CNTNAP2: variants seen among roughly 807,000 people sequenced by gnomAD.
The protein encoded by CNTNAP2 is contactin associated protein 2, also known as contactin-associated protein-like 2.
A neutral mutation model predicts 155.2 loss-of-function variants in CNTNAP2; 98 were observed. The observed-to-expected ratio is 0.63, with a 90% CI of 0.54 to 0.75. The LOEUF is 0.75. CNTNAP2 is among the 30% of genes least tolerant of loss of function. The probability of loss-of-function intolerance (pLI) is 0.00; values close to 1 mark genes in which losing one functional copy is unlikely to be tolerated. For synonymous variants in CNTNAP2, 651 were observed against 631.2 expected (o/e 1.03, Z -0.47); for missense variants, 1,727 against 1,688.1 (o/e 1.02, Z -0.40).
chr7:147,042,214 A>C (rs751438296), intron 3 of CNTNAP2, among the ~76,000 whole-genome samples: 1 of 152,228 alleles, frequency 6.6e-6, no homozygotes, highest in Non-Finnish European at 1.5e-5. Flanking sequence ...TACGCAGCTC[A>C]TTTGAGAAAA....
intron 18 of CNTNAP2, among the ~76,000 whole-genome samples, chr7:148,216,969 C>G (rs886524940): frequency 2.0e-5 from 3 of 152,190 alleles, no homozygotes; most frequent in Non-Finnish European, 2.9e-5. Context: ...CCTTTGCCTT[C>G]CACCATTATT....
chr7:148,264,182 A>C (rs910700479), intron 20 of CNTNAP2, among the ~76,000 whole-genome samples: 1 of 152,242 alleles, frequency 6.6e-6, no homozygotes, highest in African/African-American at 2.4e-5. Flanking sequence ...AATACTAGTC[A>C]TCCATGACAA....
chr7:147,818,284 T>C (rs1186515649), intron 13 of CNTNAP2, among the ~76,000 whole-genome samples: 2 of 152,176 alleles, frequency 1.3e-5, no homozygotes, highest in Non-Finnish European at 2.9e-5. Context: ...TCCTTTCTCT[T>C]TGAAATTCCT....
chr7:147,321,949 T>A (rs576925792), intron 9 of CNTNAP2, among the ~76,000 whole-genome samples: 1 of 152,216 alleles, frequency 6.6e-6, no homozygotes, highest in East Asian at 1.9e-4. Context: ...AAGATGAAGA[T>A]TTCTTCCTTT....
intron 14 of CNTNAP2, among the ~76,000 whole-genome samples, chr7:147,925,502 T>TG (rs1800381352): frequency 6.6e-6 from 1 of 152,142 alleles, no homozygotes; most frequent in Non-Finnish European, 1.5e-5. Flanking sequence ...AGTCTCGCTC[T>TG]GTCGCCCAGG....
At chr7:146,504,698 G>A (rs554145982) in intron 1 of CNTNAP2, among the ~76,000 whole-genome samples, 33 of 152,196 alleles carry the variant, frequency 2.2e-4, no homozygotes, top group Non-Finnish European at 4.1e-4. Context: ...AACCAGGAAC[G>A]TAGCACCTTC....
At chr7:147,583,436 T>C (rs946103470) in intron 12 of CNTNAP2, among the ~76,000 whole-genome samples, 1 of 150,064 alleles carries the variant, frequency 6.7e-6, no homozygotes, top group African/African-American at 2.4e-5. Context: ...CTATTTTTTT[T>C]CCAAACTTTT....
chr7:146,323,509 A>G (rs1025794397), intron 1 of CNTNAP2, among the ~76,000 whole-genome samples: 1 of 152,172 alleles, frequency 6.6e-6, no homozygotes, highest in Non-Finnish European at 1.5e-5. Context: ...AAATCAAAAC[A>G]AACAAAACTG....
rs774919322 is a variant in CNTNAP2, at chr7:147,464,856, C to CTCCT, written c.1671-21079_1671-21078insTCCT. Among the ~76,000 whole-genome samples, 4 of 152,142 alleles carry CTCCT rather than the reference C, an allele frequency of 2.6e-5. 1 individual carries two copies. The highest frequency in any genetic ancestry group is 4.8e-5 in the African/African-American group (2 of 41,414). On this transcript the variant is annotated intron_variant, in intron 10 of 23. Coordinates refer to ENST00000361727, the MANE Select transcript of CNTNAP2 (RefSeq NM_014141.6). ...ACCATATTCATAGGAGTGAATATAA[C>CTCCT]ATTAGATGTCTAAGACTGTGTAAAC...
chr7:146,240,138 T>A (rs1799536534), intron 1 of CNTNAP2, among the ~76,000 whole-genome samples: 1 of 152,168 alleles, frequency 6.6e-6, no homozygotes, highest in African/African-American at 2.4e-5. Flanking sequence ...AACTATTGGG[T>A]TTCACATTTT....
At chr7:146,830,892 A>G (rs988823690) in intron 2 of CNTNAP2, among the ~76,000 whole-genome samples, 4 of 152,244 alleles carry the variant, frequency 2.6e-5, no homozygotes, top group Admixed American at 2.6e-4. Flanking sequence ...AGCGCTCTTC[A>G]AGCTGACATC....
At chr7:147,799,443 A>G (rs1373907897) in intron 13 of CNTNAP2, among the ~76,000 whole-genome samples, 3 of 152,164 alleles carry the variant, frequency 2.0e-5, no homozygotes, top group South Asian at 4.1e-4. Context: ...GGTCCCAGCT[A>G]TGGAACTCCA....
intron 1 of CNTNAP2, among the ~76,000 whole-genome samples, chr7:146,359,799 T>C (rs1244469658): frequency 6.6e-6 from 1 of 152,102 alleles, no homozygotes; most frequent in South Asian, 2.1e-4. Flanking sequence ...TGTATGTGTG[T>C]GTGTGCGTGC....
chr7:147,743,862 G>A (rs1489702892), intron 13 of CNTNAP2, among the ~76,000 whole-genome samples: 1 of 152,058 alleles, frequency 6.6e-6, no homozygotes, highest in African/African-American at 2.4e-5. Flanking sequence ...TTGCCATGGT[G>A]ATGGCTACTG....
At chr7:148,279,694 G>T (rs573831375) in intron 21 of CNTNAP2, among the ~76,000 whole-genome samples, 10 of 152,008 alleles carry the variant, frequency 6.6e-5, no homozygotes, top group African/African-American at 2.2e-4. Flanking sequence ...GACATTGATC[G>T]TTACTGGGAA....
At chr7:147,555,718 T>C (rs1243093275) in intron 11 of CNTNAP2, among the ~76,000 whole-genome samples, 2 of 152,188 alleles carry the variant, frequency 1.3e-5, no homozygotes, top group Admixed American at 6.5e-5. Context: ...ACCCGGCCAC[T>C]TCTAGTGATC....
chr7:147,128,972 A>T, intron 7 of CNTNAP2, 136 bp downstream of exon 7: 2 of 1,088,214 alleles, frequency 1.8e-6, no homozygotes, highest in Non-Finnish European at 2.8e-6. Flanking sequence ...TAAAACAAAC[A>T]TTAGAGTTAT....
At chr7:147,084,789 GTAATACATATAA>G (rs1376119166) in intron 4 of CNTNAP2, among the ~76,000 whole-genome samples, 1 of 147,042 alleles carries the variant, frequency 6.8e-6, no homozygotes, top group African/African-American at 2.5e-5. Context: ...ACATGATGAT[GTAATACATATAA>G]TTTTATGTAT....
intron 13 of CNTNAP2, among the ~76,000 whole-genome samples, chr7:147,649,100 G>T (rs1795411155): frequency 6.6e-6 from 1 of 152,114 alleles, no homozygotes; most frequent in South Asian, 2.1e-4. Context: ...TAATCTTAAG[G>T]TAAATTTTAT....
Sources: gnomAD v4.1 joint callset for allele counts (sites outside exome capture counted in the v4.1 genomes callset) on GRCh38, gnomAD v4.1.1 for gene constraint, MANE v1.5 for transcripts, NCBI Gene and HGNC (gene_info 2026-07-23, HGNC 2026-07-21) for gene names.